CD247: variants seen among roughly 807,000 people sequenced by gnomAD.
CD247 encodes CD247 molecule.
Under a neutral mutation model 30.0 loss-of-function variants are expected in CD247, and 13 were observed. That is an observed-to-expected ratio of 0.43 (90% CI 0.28 to 0.69). The LOEUF (loss-of-function observed/expected upper bound fraction) is 0.69, where lower values mean the gene tolerates loss of function less well. CD247 is among the 30% of genes least tolerant of loss of function. The pLI, the probability that CD247 is intolerant of heterozygous loss-of-function variation, is 0.16. For synonymous variants in CD247, 72 were observed against 80.0 expected (o/e 0.90, Z 0.53); for missense variants, 193 against 212.6 (o/e 0.91, Z 0.57).
chr1:167,490,663 T>C (rs1241319289), intron 1 of CD247, among the ~76,000 whole-genome samples: 1 of 152,086 alleles, frequency 6.6e-6, no homozygotes, highest in Non-Finnish European at 1.5e-5. Flanking sequence ...TCGGGTACAG[T>C]GACTCACGCC....
intron 1 of CD247, among the ~76,000 whole-genome samples, chr1:167,487,220 T>C (rs552303642): frequency 6.1e-4 from 81 of 132,594 alleles, no homozygotes; most frequent in East Asian, 1.4e-3. Context: ...CTACTAAAAA[T>C]ACAAAAATTA....
At chr1:167,458,170 G>A (rs911936753) in intron 1 of CD247, among the ~76,000 whole-genome samples, 7 of 152,202 alleles carry the variant, frequency 4.6e-5, no homozygotes, top group African/African-American at 1.7e-4. Context: ...CCTGCTCAGC[G>A]ATCCAGTGTT....
intron 1 of CD247, among the ~76,000 whole-genome samples, chr1:167,487,272 G>C (rs1323260594): frequency 2.0e-5 from 3 of 151,402 alleles, no homozygotes; most frequent in African/African-American, 7.3e-5. Flanking sequence ...AGCTACTTGG[G>C]AGGTTCAGGC....
At chr1:167,448,964 C>T (rs1461999619) in intron 1 of CD247, among the ~76,000 whole-genome samples, 6 of 152,142 alleles carry the variant, frequency 3.9e-5, no homozygotes, top group Non-Finnish European at 7.3e-5. Context: ...AAAATTGGAT[C>T]ATTTGTTCAA....
chr1:167,452,187 TG>T (rs1652378765), intron 1 of CD247, among the ~76,000 whole-genome samples: 1 of 152,204 alleles, frequency 6.6e-6, no homozygotes, highest in Non-Finnish European at 1.5e-5. Flanking sequence ...ATCACGCCAT[TG>T]CACTCCAGCC....
At chr1:167,488,473 G>A (rs1428372230) in intron 1 of CD247, among the ~76,000 whole-genome samples, 4 of 152,170 alleles carry the variant, frequency 2.6e-5, no homozygotes, top group East Asian at 1.9e-4. Context: ...AAGAGTGAGA[G>A]GGATTCTGGC....
intron 1 of CD247, among the ~76,000 whole-genome samples, chr1:167,470,689 T>G (rs913300382): frequency 6.6e-6 from 1 of 151,912 alleles, no homozygotes; most frequent in Non-Finnish European, 1.5e-5. Flanking sequence ...GGGTTTGTGT[T>G]TGTTTGATTT....
At chr1:167,461,110 C>A (rs909812054) in intron 1 of CD247, among the ~76,000 whole-genome samples, 1 of 152,228 alleles carries the variant, frequency 6.6e-6, no homozygotes, top group Non-Finnish European at 1.5e-5. Context: ...CGTGGGCGAT[C>A]GTGGGCTGAG....
chr1:167,433,544 G>T (rs1347331006), intron 6 of CD247, among the ~76,000 whole-genome samples: 1 of 152,198 alleles, frequency 6.6e-6, no homozygotes, highest in Non-Finnish European at 1.5e-5. Flanking sequence ...TTCTCATTGG[G>T]TTGTTGTGGG....
intron 1 of CD247, among the ~76,000 whole-genome samples, chr1:167,513,181 C>A (rs1176123359): frequency 6.6e-6 from 1 of 152,022 alleles, no homozygotes; most frequent in East Asian, 1.9e-4. Flanking sequence ...CAATTAAAAA[C>A]AATCACAAAG....
chr1:167,439,087 G>T (rs564907694), intron 3 of CD247, among the ~76,000 whole-genome samples: 1 of 152,308 alleles, frequency 6.6e-6, no homozygotes, highest in East Asian at 1.9e-4. Flanking sequence ...GGGCTCACTA[G>T]TGGCAGGCAC....
chr1:167,460,637 C>T (rs528732844), intron 1 of CD247, among the ~76,000 whole-genome samples: 17 of 152,118 alleles, frequency 1.1e-4, no homozygotes, highest in South Asian at 2.1e-4. Context: ...ATGTGAACAA[C>T]GTGCAGGTTT....
At chr1:167,458,073 A>T (rs963845914) in intron 1 of CD247, among the ~76,000 whole-genome samples, 1 of 152,238 alleles carries the variant, frequency 6.6e-6, no homozygotes, top group African/African-American at 2.4e-5. Flanking sequence ...AAAGTGCGTG[A>T]CCTTAGGGAA....
At chr1:167,479,001 T>C (rs1653862586) in intron 1 of CD247, among the ~76,000 whole-genome samples, 1 of 152,240 alleles carries the variant, frequency 6.6e-6, no homozygotes, top group African/African-American at 2.4e-5. Context: ...CATATATTAC[T>C]TCATAATGGA....
chr1:167,459,204 A>G (rs1251842780), intron 1 of CD247, among the ~76,000 whole-genome samples: 1 of 152,062 alleles, frequency 6.6e-6, no homozygotes, highest in African/African-American at 2.4e-5. Flanking sequence ...ACATTTTCAA[A>G]TAATACAGTC....
At chr1:167,439,240 GC>G (rs1651695143) in intron 3 of CD247, 103 bp downstream of exon 3, 1 of 1,023,114 alleles carries the variant, frequency 9.8e-7, no homozygotes, top group Admixed American at 1.7e-5. Context: ...AGAGGTGATA[GC>G]TAGGGACCAA....
At position 167,444,925 on chromosome 1, in the gene CD247, C is replaced by T. The variant is rs767148254; in HGVS notation, c.59-4158G>A. Among the ~76,000 whole-genome samples the T allele has an allele frequency of 7.2e-4, 109 of 151,496 alleles. 4 individuals carry two copies. The highest frequency in any genetic ancestry group is 2.0e-4 in the Admixed American group (3 of 15,172). ...ATTAGATGGTGGTGAGGGTTAAATA[C>T]GATACTTTTTTTTTTTTTTAAGTGG... On this transcript the variant is annotated intron_variant, in intron 1 of 7. Coordinates refer to ENST00000362089, the MANE Select transcript of CD247 (RefSeq NM_198053.3).
At chr1:167,448,647 C>T (rs2949669) in intron 1 of CD247, among the ~76,000 whole-genome samples, 41,047 of 152,092 alleles carry the variant, frequency 0.27, 6,959 homozygotes, top group Middle Eastern at 0.42. Context: ...TTTTACTACT[C>T]TCTTTAATTT....
chr1:167,497,955 C>T (rs1264922021), intron 1 of CD247, among the ~76,000 whole-genome samples: 1 of 152,238 alleles, frequency 6.6e-6, no homozygotes, highest in Non-Finnish European at 1.5e-5. Flanking sequence ...TCCTTTACGG[C>T]TTGACCTCGG....
Sources: allele counts gnomAD v4.1 joint callset (sites outside exome capture counted in the v4.1 genomes callset), GRCh38; gene constraint gnomAD v4.1.1; transcripts MANE v1.5; gene names NCBI Gene and HGNC (gene_info 2026-07-23, HGNC 2026-07-21).